The following CHKA variants were observed in gnomAD, a reference collection of about 807,000 sequenced individuals.
CHKA encodes the protein CHETK-alpha.
A neutral mutation model predicts 60.1 loss-of-function variants in CHKA; 34 were observed. That is an observed-to-expected ratio of 0.57 (90% CI 0.43 to 0.75). The LOEUF (loss-of-function observed/expected upper bound fraction) is 0.75, where lower values mean the gene tolerates loss of function less well. Ranked by LOEUF, CHKA falls within the 30% of genes least tolerant of loss-of-function variation. CHKA has a pLI of 0.00. For synonymous variants in CHKA, 217 were observed against 223.1 expected (o/e 0.97, Z 0.24); for missense variants, 563 against 561.3 (o/e 1.00, Z -0.03).
chr11:68,094,634 C>T (rs1857443492), intron 2 of CHKA, among the ~76,000 whole-genome samples: 1 of 152,160 alleles, frequency 6.6e-6, no homozygotes, highest in African/African-American at 2.4e-5. Flanking sequence ...AATTTAAAAC[C>T]CAAGCTGCAT....
chr11:68,098,881 A>G (rs1165072163), intron 1 of CHKA, among the ~76,000 whole-genome samples: 2 of 42,068 alleles, frequency 4.8e-5, no homozygotes, highest in Non-Finnish European at 9.7e-5. Context: ...TTTGGTAGAA[A>G]CGGAGTTTTG....
intron 2 of CHKA, among the ~76,000 whole-genome samples, chr11:68,092,587 A>T (rs1857384432): frequency 1.3e-5 from 2 of 152,180 alleles, no homozygotes; most frequent in Non-Finnish European, 2.9e-5. Context: ...CCTGTTCTCT[A>T]CTTTGCTTCT....
intron 2 of CHKA, among the ~76,000 whole-genome samples, chr11:68,083,033 C>T (rs543480677): frequency 2.0e-5 from 3 of 152,342 alleles, no homozygotes; most frequent in Non-Finnish European, 2.9e-5. Context: ...GTGGCCGCAT[C>T]GTTCCTTAGA....
intron 1 of CHKA, among the ~76,000 whole-genome samples, chr11:68,118,959 A>G (rs1287961822): frequency 1.3e-5 from 2 of 152,198 alleles, no homozygotes; most frequent in African/African-American, 2.4e-5. Flanking sequence ...GGAGAAGGGG[A>G]CACCAGAGAC....
intron 2 of CHKA, among the ~76,000 whole-genome samples, chr11:68,095,272 G>A (rs189378268): frequency 1.4e-5 from 2 of 147,856 alleles, no homozygotes; most frequent in Admixed American, 6.8e-5. Flanking sequence ...GCGTGGTGGC[G>A]GACACCTGTA....
intron 3 of CHKA, among the ~76,000 whole-genome samples, chr11:68,077,573 CACTT>C (rs1856834042): frequency 6.6e-6 from 1 of 152,202 alleles, no homozygotes; most frequent in African/African-American, 2.4e-5. Context: ...GCCTAAAACA[CACTT>C]ACTCAATGTC....
chr11:68,079,702 A>T (rs547826863), intron 3 of CHKA, among the ~76,000 whole-genome samples: 1 of 152,350 alleles, frequency 6.6e-6, no homozygotes, highest in Admixed American at 6.5e-5. Context: ...AAATAAATTC[A>T]TATAAAATTC....
intron 2 of CHKA, among the ~76,000 whole-genome samples, chr11:68,092,067 G>T (rs1429422809): frequency 6.6e-6 from 1 of 152,152 alleles, no homozygotes; most frequent in Admixed American, 6.5e-5. Flanking sequence ...CATTTATAAA[G>T]TTGGCTTGGG....
chr11:68,062,277 G>T (rs1805634017), intron 10 of CHKA, among the ~76,000 whole-genome samples: 1 of 152,220 alleles, frequency 6.6e-6, no homozygotes, highest in South Asian at 2.1e-4. Context: ...AGCTGGCCTG[G>T]CCATGGCACA....
intron 1 of CHKA, among the ~76,000 whole-genome samples, chr11:68,108,467 G>A (rs1858000720): frequency 6.6e-6 from 1 of 152,258 alleles, no homozygotes; most frequent in African/African-American, 2.4e-5. Flanking sequence ...TAAGGTGGCT[G>A]GGCGCAGAGG....
chr11:68,061,831 C>T (rs775040205), intron 11 of CHKA, 122 bp downstream of exon 11: 25 of 762,742 alleles, frequency 3.3e-5, no homozygotes, highest in Non-Finnish European at 5.4e-5. Flanking sequence ...CATTCGGGTA[C>T]TTGGGGAGAC....
In CHKA at chr11:68,095,069, T is replaced by C. The variant is rs200844855; in HGVS notation, c.462+1950A>G. 6.4e-4 allele frequency among the ~76,000 whole-genome samples: 98 copies of C among 152,282 alleles called. 1 individual carries two copies. Among genetic ancestry groups the C allele is most frequent in the East Asian group, 1.9e-3 (10 of 5,182 alleles). ...ATTTAGTTTGAAAACTACTCTGCTC[T>C]ATTTCATTAAGATAAAAATGGGCCC... On this transcript the variant is annotated intron_variant, in intron 2 of 11. Coordinates refer to ENST00000265689, the MANE Select transcript of CHKA (RefSeq NM_001277.3).
Position 68,121,362 on chromosome 11 carries a change from GCT to G in CHKA, c.-187_-186del, listed in dbSNP as rs1858651706. The G allele has an allele frequency of 5.3e-6, 1 of 188,644 alleles. No homozygotes were observed. Among genetic ancestry groups the G allele is most frequent in the Non-Finnish European group, 9.6e-6 (1 of 103,750 alleles). 11.7% of individuals were successfully genotyped at this position (188,644 alleles called of 1,614,324 possible). A position where few individuals can be genotyped will look rare whatever the true frequency, so the allele number is the denominator to read the frequency against. On this transcript the variant is annotated 5_prime_UTR_variant, in exon 1 of 12. Coordinates refer to ENST00000265689, the MANE Select transcript of CHKA (RefSeq NM_001277.3). ...TGCGGCGACTGTGGAGCGGGGATGT[GCT>G]GCTGGCCGCTGCACTCGCTCCTCTG...
chr11:68,079,303 G>A (rs1856896819), intron 3 of CHKA, among the ~76,000 whole-genome samples: 1 of 151,706 alleles, frequency 6.6e-6, no homozygotes, highest in Non-Finnish European at 1.5e-5. Context: ...GGGAAGCTGG[G>A]TGAGGGGTGC....
chr11:68,112,053 CAAAAA>C (rs754639082), intron 1 of CHKA, among the ~76,000 whole-genome samples: 4 of 20,900 alleles, frequency 1.9e-4, no homozygotes, highest in African/African-American at 7.5e-4. Flanking sequence ...AACTCCGTCT[CAAAAA>C]AAAAAAAAAA....
chr11:68,077,598 T>G (rs569446272), intron 3 of CHKA, among the ~76,000 whole-genome samples: 1 of 152,350 alleles, frequency 6.6e-6, no homozygotes, highest in South Asian at 2.1e-4. Flanking sequence ...TACTATGTCC[T>G]GGCACTGTGC....
intron 2 of CHKA, among the ~76,000 whole-genome samples, chr11:68,086,130 T>C (rs1857170707): frequency 1.3e-5 from 2 of 151,988 alleles, no homozygotes; most frequent in South Asian, 4.2e-4. Context: ...CTTGCCAACA[T>C]GGTGAAACCC....
intron 7 of CHKA, among the ~76,000 whole-genome samples, chr11:68,066,992 AG>A (rs1407504371): frequency 7.2e-6 from 1 of 138,514 alleles, no homozygotes; most frequent in Non-Finnish European, 1.6e-5. Context: ...CAGCTGCCAC[AG>A]GGGATCCCCT....
intron 2 of CHKA, among the ~76,000 whole-genome samples, chr11:68,084,693 G>T (rs562513211): frequency 6.6e-6 from 1 of 151,380 alleles, no homozygotes; most frequent in Non-Finnish European, 1.5e-5. Context: ...CATTACTGTG[G>T]TCATTTTTAA....
Sources: allele counts gnomAD v4.1 joint callset (sites outside exome capture counted in the v4.1 genomes callset), GRCh38; gene constraint gnomAD v4.1.1; transcripts MANE v1.5; gene names NCBI Gene and HGNC (gene_info 2026-07-23, HGNC 2026-07-21).